PALS2: variants seen among roughly 807,000 people sequenced by gnomAD.
PALS2 encodes protein PALS2.
A neutral mutation model predicts 61.6 loss-of-function variants in PALS2; 27 were observed. That is an observed-to-expected ratio of 0.44 (90% CI 0.32 to 0.60). The LOEUF (loss-of-function observed/expected upper bound fraction) is 0.60, where lower values mean the gene tolerates loss of function less well. Ranked by LOEUF, PALS2 falls within the 20% of genes least tolerant of loss-of-function variation. The pLI is 0.05. For missense variants in PALS2, 554 were observed against 639.4 expected, an observed-to-expected ratio of 0.87 and a Z score of 1.44; for synonymous variants, 236 against 218.6, an observed-to-expected ratio of 1.08 and a Z score of -0.70.
intron 1 of PALS2, among the ~76,000 whole-genome samples, chr7:24,614,852 A>G (rs1458435114): frequency 6.6e-6 from 1 of 152,012 alleles, no homozygotes; most frequent in African/African-American, 2.4e-5. Flanking sequence ...CAAAGGAAAG[A>G]AAAGTAATGA....
chr7:24,591,805 C>G (rs1562602069), intron 1 of PALS2, among the ~76,000 whole-genome samples: 1 of 151,956 alleles, frequency 6.6e-6, no homozygotes, highest in Non-Finnish European at 1.5e-5. Flanking sequence ...ATTATTGATT[C>G]ATTAACATTG....
intron 2 of PALS2, among the ~76,000 whole-genome samples, chr7:24,633,499 T>G (rs1246672053): frequency 1.4e-5 from 2 of 138,772 alleles, no homozygotes; most frequent in Non-Finnish European, 3.1e-5. Flanking sequence ...AGTATTTTGT[T>G]TTTTATTTTC....
rs1785557022 is a variant in PALS2 at position 24,641,628 on chromosome 7, T to C, written c.118-88T>C. On this transcript the variant is annotated intron_variant, in intron 2 of 11. Coordinates refer to ENST00000222644, the MANE Select transcript of PALS2 (RefSeq NM_001303037.2). Reference sequence around the variant, plus strand: ...TGAATTAAATCTCCAAGTAATATATTTTAAAACTTTACGAAAAAGAAATAA... The same window carrying C: ...TGAATTAAATCTCCAAGTAATATATCTTAAAACTTTACGAAAAAGAAATAA... 13 of 1,192,848 alleles carry C rather than the reference T, an allele frequency of 1.1e-5. No individual in the cohort carries two copies. The Middle Eastern group carries it at 7.9e-4, about 73-fold the overall frequency. 73.9% of individuals were successfully genotyped at this position (1,192,848 alleles called of 1,614,324 possible). A position where few individuals can be genotyped will look rare whatever the true frequency, so the allele number is the denominator to read the frequency against.
At chr7:24,660,793 C>A (rs1167063897) in intron 5 of PALS2, among the ~76,000 whole-genome samples, 4 of 152,198 alleles carry the variant, frequency 2.6e-5, no homozygotes, top group African/African-American at 4.8e-5. Context: ...ACAGCTATTG[C>A]CAAATTGTCC....
At chr7:24,620,039 T>G (rs1316476932) in intron 1 of PALS2, 2 of 152,176 alleles carry the variant, frequency 1.3e-5, no homozygotes, top group African/African-American at 4.8e-5. Flanking sequence ...ATTTATGTTT[T>G]AATATTTTAT....
chr7:24,623,824 A>G, intron 2 of PALS2, 40 bp downstream of exon 2: 1 of 1,402,796 alleles, frequency 7.1e-7, no homozygotes, highest in Non-Finnish European at 9.8e-7. Flanking sequence ...ATTATTTTGG[A>G]CTTAGTTTTT....
chr7:24,610,063 C>T (rs928649810), intron 1 of PALS2, among the ~76,000 whole-genome samples: 1 of 152,134 alleles, frequency 6.6e-6, no homozygotes, highest in African/African-American at 2.4e-5. Flanking sequence ...TAACACCCCA[C>T]CAAACCCATC....
intron 5 of PALS2, among the ~76,000 whole-genome samples, chr7:24,658,280 T>TTATTA (rs544464979): frequency 3.0e-4 from 45 of 152,334 alleles, no homozygotes; most frequent in African/African-American, 1.1e-3. Flanking sequence ...TGGGTCTTTT[T>TTATTA]TATATCTGCA....
Position 24,593,119 on chromosome 7 carries a change from G to T in PALS2, c.-3+19526G>T, listed in dbSNP as rs375303718. ...TATGTAATATTCTAAATTCTTTGTT[G>T]TCATTTCAGCAATATTTACAGCATC... is the stretch of plus-strand genomic sequence containing the variant. On this transcript the variant is annotated intron_variant, in intron 1 of 11. Coordinates refer to ENST00000222644, the MANE Select transcript of PALS2 (RefSeq NM_001303037.2). 9.9e-5 allele frequency among the ~76,000 whole-genome samples: 15 copies of T among 152,144 alleles called. 1 individual carries two copies. Among genetic ancestry groups the T allele is most frequent in the Admixed American group, 7.2e-4 (11 of 15,258 alleles).
intron 7 of PALS2, 79 bp downstream of exon 7, chr7:24,665,766 T>C: frequency 7.7e-7 from 1 of 1,290,918 alleles, no homozygotes. Context: ...AATAAGCAAA[T>C]GCATTTATTT....
intron 1 of PALS2, among the ~76,000 whole-genome samples, chr7:24,617,671 A>G (rs1784340443): frequency 1.3e-5 from 2 of 152,168 alleles, no homozygotes; most frequent in African/African-American, 4.8e-5. Flanking sequence ...CTAAGCTGCA[A>G]GAGTTTGTGG....
At chr7:24,638,170 T>C (rs1023650545) in intron 2 of PALS2, among the ~76,000 whole-genome samples, 1 of 151,958 alleles carries the variant, frequency 6.6e-6, no homozygotes, top group Non-Finnish European at 1.5e-5. Context: ...CTTAAAAAGC[T>C]ATATGTTAAT....
At chr7:24,584,931 A>G (rs1190386072) in intron 1 of PALS2, among the ~76,000 whole-genome samples, 5 of 151,808 alleles carry the variant, frequency 3.3e-5, no homozygotes, top group African/African-American at 1.2e-4. Context: ...TCCTTTCCCC[A>G]TTGCTTGTTT....
chr7:24,640,912 G>A (rs1583926273), intron 2 of PALS2, among the ~76,000 whole-genome samples: 3 of 149,104 alleles, frequency 2.0e-5, no homozygotes, highest in East Asian at 4.0e-4. Context: ...GGAGGCTGAG[G>A]CAGGAGAATG....
At chr7:24,619,564 A>G (rs1784414976) in intron 1 of PALS2, among the ~76,000 whole-genome samples, 1 of 151,946 alleles carries the variant, frequency 6.6e-6, no homozygotes, top group South Asian at 2.1e-4. Context: ...AAAAAATACA[A>G]AAAATTAGCT....
At chr7:24,626,158 A>G (rs1784734066) in intron 2 of PALS2, among the ~76,000 whole-genome samples, 1 of 152,212 alleles carries the variant, frequency 6.6e-6, no homozygotes. Context: ...AGAAAATCAG[A>G]ATAAAAAATA....
chr7:24,604,048 AT>A (rs1198362246), intron 1 of PALS2, among the ~76,000 whole-genome samples: 1 of 152,012 alleles, frequency 6.6e-6, no homozygotes, highest in African/African-American at 2.4e-5. Context: ...TATTGAAAGA[AT>A]TAAAGGAAAA....
In PALS2 at chr7:24,650,505, A is replaced by G. The variant is rs1165144611; in HGVS notation, c.444A>G (p.Glu148=). The G allele has an allele frequency of 1.9e-6, 3 of 1,602,364 alleles. No homozygotes were observed. The highest frequency in any genetic ancestry group is 2.5e-6 in the Non-Finnish European group (3 of 1,176,532). The change falls in exon 5 of 12, where the codon GAA becomes GAG. Residue 148 remains glutamate (E), a synonymous_variant. Transcript: ENST00000222644. The part of the protein sequence containing the change: ...GEPLGVTFRV[E]NNDLVIARIL... ...CATAGGGTGTGACATTTAGGGTTGA[A>G]AATAATGATCTGGTAATTGCCCGAA...
intron 10 of PALS2, among the ~76,000 whole-genome samples, chr7:24,679,569 C>G (rs930622359): frequency 3.3e-5 from 5 of 152,068 alleles, no homozygotes; most frequent in African/African-American, 1.2e-4. Context: ...ATTAGATCTA[C>G]AATAGAAGTT....
Sources: gnomAD v4.1 joint callset for allele counts (sites outside exome capture counted in the v4.1 genomes callset) on GRCh38, gnomAD v4.1.1 for gene constraint, MANE v1.5 for transcripts, NCBI Gene and HGNC (gene_info 2026-07-23, HGNC 2026-07-21) for gene names.